SYNJ1: variants seen among roughly 807,000 people sequenced by gnomAD.
SYNJ1 encodes the protein polyphosphatidylinositol phosphatase SYNJ1.
SYNJ1 carries 78 observed loss-of-function variants against 168.2 expected under a neutral mutation model. The observed-to-expected ratio is 0.46, with a 90% confidence interval of 0.39 to 0.56. The LOEUF is 0.56. SYNJ1 is among the 20% of genes least tolerant of loss of function. The pLI, the probability that SYNJ1 is intolerant of heterozygous loss-of-function variation, is 0.00. For synonymous variants in SYNJ1, 539 were observed against 548.6 expected (o/e 0.98, Z 0.24); for missense variants, 1,303 against 1,597.6 (o/e 0.82, Z 3.14).
intron 8 of SYNJ1, 29 bp downstream of exon 8, chr21:32,686,949 A>C: frequency 1.4e-6 from 2 of 1,400,440 alleles, no homozygotes; most frequent in Non-Finnish European, 1.9e-6. Context: ...TCCATGGGCC[A>C]GAATGAAATA....
intron 9 of SYNJ1, among the ~76,000 whole-genome samples, 154 bp downstream of exon 9, chr21:32,685,594 A>G (rs1255145485): frequency 6.6e-6 from 1 of 151,894 alleles, no homozygotes; most frequent in Non-Finnish European, 1.5e-5. Context: ...GTGAGGCCCT[A>G]TTTCAAAATA....
intron 4 of SYNJ1, among the ~76,000 whole-genome samples, chr21:32,697,604 A>T (rs1295621206): frequency 6.6e-6 from 1 of 152,180 alleles, no homozygotes; most frequent in Non-Finnish European, 1.5e-5. Context: ...GTTGGAGACC[A>T]GCCTGGCCAA....
chr21:32,657,198 T>A, intron 19 of SYNJ1, 78 bp from the exon 20 acceptor site: 1 of 959,770 alleles, frequency 1.0e-6, no homozygotes, highest in South Asian at 1.5e-5. Flanking sequence ...GGCATTCTCC[T>A]TCCTTTCATG....
At chr21:32,717,423 T>C (rs1005249361) in intron 2 of SYNJ1, among the ~76,000 whole-genome samples, 6 of 152,228 alleles carry the variant, frequency 3.9e-5, no homozygotes, top group African/African-American at 1.4e-4. Context: ...TATATTCCTA[T>C]AAATATTCTT....
At chr21:32,659,653 C>T (rs2040600475) in intron 18 of SYNJ1, among the ~76,000 whole-genome samples, 1 of 152,266 alleles carries the variant, frequency 6.6e-6, no homozygotes, top group South Asian at 2.1e-4. Context: ...TTGATCATGA[C>T]CCTATCACGC....
chr21:32,703,161 T>C (rs951316254), intron 2 of SYNJ1, among the ~76,000 whole-genome samples: 1 of 152,240 alleles, frequency 6.6e-6, no homozygotes, highest in African/African-American at 2.4e-5. Context: ...GCTCTGCTAG[T>C]TGCAGCACAG....
At chr21:32,713,999 A>G (rs1300372449) in intron 2 of SYNJ1, among the ~76,000 whole-genome samples, 2 of 152,218 alleles carry the variant, frequency 1.3e-5, no homozygotes, top group African/African-American at 2.4e-5. Context: ...ATAATATTCT[A>G]TTTCTCAACC....
intron 8 of SYNJ1, 111 bp downstream of exon 8, chr21:32,686,867 T>C (rs1418666388): frequency 5.4e-6 from 4 of 739,652 alleles, no homozygotes; most frequent in Non-Finnish European, 8.4e-6. Context: ...CCAACCTTTT[T>C]CTTGGAAGTA....
At chr21:32,671,398 T>C (rs74332631) in intron 14 of SYNJ1, among the ~76,000 whole-genome samples, 2 of 152,170 alleles carry the variant, frequency 1.3e-5, no homozygotes, top group Admixed American at 1.3e-4. Flanking sequence ...GCAAGTCTCA[T>C]GCATACATCA....
intron 3 of SYNJ1, among the ~76,000 whole-genome samples, chr21:32,700,674 C>T (rs183660610): frequency 9.4e-4 from 143 of 152,134 alleles, no homozygotes; most frequent in African/African-American, 3.4e-3. Flanking sequence ...ACCACACGAA[C>T]AAACAAACAA....
Position 32,631,707 on chromosome 21 carries a change from T to C in SYNJ1, c.*98A>G. 1 of 1,614,230 alleles carries C rather than the reference T, an allele frequency of 6.2e-7. No homozygotes were observed. The highest frequency in any genetic ancestry group is 8.5e-7 in the Non-Finnish European group (1 of 1,180,044). On this transcript the variant is annotated 3_prime_UTR_variant, in exon 33 of 33. Coordinates refer to ENST00000674351, the MANE Select transcript of SYNJ1 (RefSeq NM_203446.3). ...TGACGTTTGAACAGATAGCTGAGCCTTTGATACAGCAAGCAGATTAAATGA... is the reference window on the plus strand; with the variant it reads ...TGACGTTTGAACAGATAGCTGAGCCCTTGATACAGCAAGCAGATTAAATGA...
At chr21:32,644,177 C>T (rs1258751958) in intron 26 of SYNJ1, among the ~76,000 whole-genome samples, 1 of 151,590 alleles carries the variant, frequency 6.6e-6, no homozygotes, top group Non-Finnish European at 1.5e-5. Flanking sequence ...AAAGCAGGAG[C>T]TTGAAAAGGG....
intron 29 of SYNJ1, among the ~76,000 whole-genome samples, chr21:32,640,529 T>C (rs1032678475): frequency 2.6e-5 from 4 of 152,084 alleles, no homozygotes; most frequent in Admixed American, 1.3e-4. Context: ...TCTCCTGACA[T>C]CATGATCCAC....
intron 2 of SYNJ1, 44 bp from the exon 3 acceptor site, chr21:32,702,091 T>C (rs1176439593): frequency 2.2e-6 from 3 of 1,369,916 alleles, no homozygotes; most frequent in African/African-American, 2.9e-5. Flanking sequence ...CCTGAAACAT[T>C]GGATTCTATT....
intron 32 of SYNJ1, among the ~76,000 whole-genome samples, chr21:32,633,162 T>C (rs1257729103): frequency 6.6e-6 from 1 of 152,172 alleles, no homozygotes; most frequent in Non-Finnish European, 1.5e-5. Flanking sequence ...AAAAGTTCCA[T>C]TTTCTATTTG....
intron 30 of SYNJ1, 57 bp from the exon 31 acceptor site, chr21:32,639,182 C>A: frequency 6.7e-7 from 1 of 1,483,938 alleles, no homozygotes; most frequent in Middle Eastern, 2.5e-4. Flanking sequence ...ATGTTTTTTT[C>A]CTTCTTTAGT....
At chr21:32,669,215 T>C (rs547779862) in intron 15 of SYNJ1, among the ~76,000 whole-genome samples, 1 of 152,348 alleles carries the variant, frequency 6.6e-6, no homozygotes, top group African/African-American at 2.4e-5. Flanking sequence ...AATACAATTT[T>C]CCCTTAAAAG....
intron 2 of SYNJ1, 28 bp downstream of exon 2, chr21:32,726,744 A>G: frequency 6.2e-7 from 1 of 1,611,836 alleles, no homozygotes; most frequent in South Asian, 1.1e-5. Context: ...AGAGACCATG[A>G]CAAATTGGGC....
chr21:32,712,581 T>C (rs1194513723), intron 2 of SYNJ1, among the ~76,000 whole-genome samples: 1 of 151,700 alleles, frequency 6.6e-6, no homozygotes, highest in East Asian at 1.9e-4. Flanking sequence ...ACGCAAGAAG[T>C]ATTTATTGAA....
Sources: gnomAD v4.1 joint callset for allele counts (sites outside exome capture counted in the v4.1 genomes callset) on GRCh38, gnomAD v4.1.1 for gene constraint, MANE v1.5 for transcripts, NCBI Gene and HGNC (gene_info 2026-07-23, HGNC 2026-07-21) for gene names.